Variants in PHKB observed in about 807,000 individuals in gnomAD.
PHKB encodes phosphorylase kinase regulatory subunit beta.
Under a neutral mutation model 152.1 loss-of-function variants are expected in PHKB, and 122 were observed. That is an observed-to-expected ratio of 0.80 (90% CI 0.69 to 0.93). PHKB has a LOEUF of 0.93. Among genes scored for constraint, PHKB ranks in the 40% least tolerant of loss-of-function variants. The probability of loss-of-function intolerance (pLI) is 0.00; values close to 1 mark genes in which losing one functional copy is unlikely to be tolerated. For missense variants in PHKB, 1,304 were observed against 1,328.4 expected (o/e 0.98, Z 0.29); for synonymous variants, 436 against 464.9 (o/e 0.94, Z 0.80).
chr16:47,625,109 C>T (rs8049167), intron 14 of PHKB, among the ~76,000 whole-genome samples: 3,111 of 152,222 alleles, frequency 0.02, 107 homozygotes, highest in African/African-American at 0.07. Flanking sequence ...TCCCTCTTCC[C>T]GCCTCTTCAC....
chr16:47,679,312 G>C (rs563078610), intron 26 of PHKB, among the ~76,000 whole-genome samples: 9 of 152,246 alleles, frequency 5.9e-5, no homozygotes, highest in African/African-American at 2.2e-4. Context: ...TGAAAAAAGT[G>C]ATTGGTAGCT....
chr16:47,581,549 C>T lies in PHKB; in HGVS notation c.774+1191C>T, dbSNP rs117004241. Among the ~76,000 whole-genome samples, 438 of 152,250 alleles carry T rather than the reference C, an allele frequency of 2.9e-3. 1 individual carries two copies. The highest frequency in any genetic ancestry group is 4.6e-3 in the Non-Finnish European group (312 of 68,014). On this transcript the variant is annotated intron_variant, in intron 8 of 30. Transcript: ENST00000323584. The stretch of plus-strand genomic sequence containing the variant: ...CTATTTAACTAAGCCTCAGCTTCCT[C>T]GTCTAAAAAAATAAAGATAATGATA...
At chr16:47,660,632 T>G (rs1973424849) in intron 21 of PHKB, 25 bp from the exon 22 acceptor site, 1 of 1,613,290 alleles carries the variant, frequency 6.2e-7, no homozygotes, top group Non-Finnish European at 8.5e-7. Context: ...GCAGAAAATA[T>G]GAAACCTTTT....
rs545685354 is a variant in PHKB, at chr16:47,639,598, T to A, written c.1459-1437T>A. ...ATGATTCAACATGTATAGAGGCCAT[T>A]TTAGATCTGAGTACTCTGTCATACA... On this transcript the variant is annotated intron_variant, in intron 14 of 30. Coordinates refer to ENST00000323584, the MANE Select transcript of PHKB (RefSeq NM_000293.3). Among the ~76,000 whole-genome samples the A allele has an allele frequency of 2.0e-5, 3 of 152,310 alleles. No homozygotes were observed. In the East Asian group the frequency reaches 5.8e-4, roughly 29 times the overall value.
intron 16 of PHKB, among the ~76,000 whole-genome samples, chr16:47,647,907 A>G (rs1296400252): frequency 6.6e-6 from 1 of 152,226 alleles, no homozygotes; most frequent in African/African-American, 2.4e-5. Flanking sequence ...CCTGTGTATA[A>G]TATGAGTATA....
chr16:47,682,501 A>G (rs569641473), intron 26 of PHKB, among the ~76,000 whole-genome samples: 2 of 152,042 alleles, frequency 1.3e-5, no homozygotes, highest in South Asian at 2.1e-4. Context: ...TTCTCGCTTC[A>G]TTTCATTCAT....
intron 6 of PHKB, among the ~76,000 whole-genome samples, chr16:47,541,837 G>C (rs1313505696): frequency 6.6e-6 from 1 of 151,892 alleles, no homozygotes; most frequent in Non-Finnish European, 1.5e-5. Context: ...CCCACTTTTT[G>C]ATGGGGTTGT....
intron 13 of PHKB, among the ~76,000 whole-genome samples, chr16:47,602,394 ATTGT>A (rs1972244327): frequency 6.6e-6 from 1 of 152,144 alleles, no homozygotes; most frequent in South Asian, 2.1e-4. Context: ...TTGGTAAGTG[ATTGT>A]TTGGAAGCCA....
intron 28 of PHKB, 56 bp from the exon 29 acceptor site, chr16:47,696,325 A>T: frequency 1.1e-6 from 1 of 878,658 alleles, no homozygotes; most frequent in Non-Finnish European, 2.0e-6. Flanking sequence ...TTCTTCTATT[A>T]AATGAGAACC....
intron 26 of PHKB, among the ~76,000 whole-genome samples, chr16:47,676,681 AC>A (rs1973738389): frequency 6.6e-6 from 1 of 152,140 alleles, no homozygotes; most frequent in African/African-American, 2.4e-5. Context: ...AATTTCTTCA[AC>A]TTTACTGCTA....
intron 26 of PHKB, among the ~76,000 whole-genome samples, chr16:47,680,296 G>T (rs1973824616): frequency 6.6e-6 from 1 of 152,172 alleles, no homozygotes; most frequent in African/African-American, 2.4e-5. Context: ...AATGAGTTAG[G>T]GAGGATTCCC....
intron 1 of PHKB, among the ~76,000 whole-genome samples, chr16:47,470,345 G>A (rs1007177981): frequency 6.6e-6 from 1 of 152,350 alleles, no homozygotes; most frequent in South Asian, 2.1e-4. Flanking sequence ...TGCAGCAGGA[G>A]CATGTCTTTA....
intron 14 of PHKB, among the ~76,000 whole-genome samples, chr16:47,633,849 C>T (rs1402777508): frequency 6.6e-6 from 1 of 152,150 alleles, no homozygotes. Flanking sequence ...TATTGCATAA[C>T]TATATCTGTT....
chr16:47,556,407 GT>G (rs1366603507), intron 7 of PHKB, among the ~76,000 whole-genome samples: 1 of 152,184 alleles, frequency 6.6e-6, no homozygotes, highest in Non-Finnish European at 1.5e-5. Context: ...CTGTGGGTTT[GT>G]CATAGATAGC....
chr16:47,641,195 C>A, intron 15 of PHKB, 105 bp downstream of exon 15: 1 of 860,146 alleles, frequency 1.2e-6, no homozygotes, highest in Non-Finnish European at 2.0e-6. Flanking sequence ...AGATTAACTT[C>A]AGAAACTCCT....
rs189906476 is a variant in PHKB, at chr16:47,565,188, A to G, written c.711-15107A>G. The G allele has an allele frequency of 3.3e-3, 2,008 of 602,456 alleles. 12 individuals carry two copies. The highest frequency in any genetic ancestry group is 4.9e-3 in the Non-Finnish European group (1,529 of 310,778). The allele number at this position is 602,456 out of a possible 1,614,324, so 37.3% of individuals were successfully genotyped here. ...GAAGCTAGATTTTCCTTGGGTTTAT[A>G]TGGCTCAGGTGCAGATCTGGACTCT... On this transcript the variant is annotated intron_variant, in intron 7 of 30. Transcript: ENST00000323584.
At chr16:47,573,046 A>C (rs1439404604) in intron 7 of PHKB, among the ~76,000 whole-genome samples, 1 of 152,136 alleles carries the variant, frequency 6.6e-6, no homozygotes, top group Non-Finnish European at 1.5e-5. Context: ...GTTCTGCTCA[A>C]GTACCTTCAA....
At chr16:47,540,147 G>A (rs574560716) in intron 6 of PHKB, among the ~76,000 whole-genome samples, 2 of 152,026 alleles carry the variant, frequency 1.3e-5, no homozygotes, top group East Asian at 3.9e-4. Context: ...GTCTATAAAC[G>A]GCCACTGTGG....
intron 1 of PHKB, among the ~76,000 whole-genome samples, chr16:47,488,406 G>T (rs575450502): frequency 6.6e-6 from 1 of 152,022 alleles, no homozygotes. Context: ...TTGCTCTATC[G>T]GTAGTTTCTT....
Sources: allele counts gnomAD v4.1 joint callset (sites outside exome capture counted in the v4.1 genomes callset), GRCh38; gene constraint gnomAD v4.1.1; transcripts MANE v1.5; gene names NCBI Gene and HGNC (gene_info 2026-07-23, HGNC 2026-07-21).